Variants in TAF1B observed in about 807,000 individuals in gnomAD.
TAF1B encodes TATA-box binding protein associated factor, RNA polymerase I subunit B.
Under a neutral mutation model 83.9 loss-of-function variants are expected in TAF1B, and 61 were observed. The ratio of observed to expected loss-of-function variants is 0.73; its 90% CI spans 0.59 to 0.90. TAF1B has a LOEUF of 0.90. Ranked by LOEUF, TAF1B falls within the 40% of genes least tolerant of loss-of-function variation. The pLI, the probability that TAF1B is intolerant of heterozygous loss-of-function variation, is 0.00. For synonymous variants in TAF1B, 221 were observed against 224.6 expected (o/e 0.98, Z 0.14); for missense variants, 625 against 677.0 (o/e 0.92, Z 0.85).
intron 8 of TAF1B, among the ~76,000 whole-genome samples, chr2:9,883,652 G>A (rs1664577848): frequency 1.3e-5 from 2 of 152,188 alleles, no homozygotes; most frequent in Non-Finnish European, 2.9e-5. Context: ...TAATGTAGGA[G>A]AACTGCTTGC....
intron 1 of TAF1B, 113 bp from the exon 2 acceptor site, chr2:9,845,107 G>T: frequency 1.5e-6 from 1 of 648,182 alleles, no homozygotes; most frequent in Non-Finnish European, 2.6e-6. Context: ...TATTGTCTAT[G>T]ATTTTTTATT....
Position 9,910,908 on chromosome 2 carries a change from C to T in TAF1B, c.1128C>T (p.Phe376=), listed in dbSNP as rs369161786. Residue 376 remains phenylalanine (F), a synonymous_variant, in exon 10 of 15, where the codon TTC becomes TTT. Coordinates refer to ENST00000263663, the MANE Select transcript of TAF1B (RefSeq NM_005680.3). ...TGCTCTTTCTATTGGATGACAGTTT[C>T]GAGTGGTAAGTGTACGTCAATTTTA... ...LKLLFLLDDS[F]EWSLSNLAEK... is the part of the protein sequence containing the mutation. The T allele has an allele frequency of 3.7e-6, 6 of 1,608,644 alleles. No individual in the cohort carries two copies. Among genetic ancestry groups the T allele is most frequent in the African/African-American group, 2.7e-5 (2 of 74,784 alleles).
chr2:9,926,565 G>A (rs34577787), intron 14 of TAF1B, among the ~76,000 whole-genome samples: 77,550 of 151,964 alleles, frequency 0.51, 22,877 homozygotes, highest in Non-Finnish European at 0.68. Context: ...ATGGCCAGGT[G>A]CGGTGGCTCA....
intron 8 of TAF1B, among the ~76,000 whole-genome samples, chr2:9,902,946 A>G (rs145524563): frequency 0.011 from 1,613 of 152,288 alleles, 84 homozygotes; most frequent in Admixed American, 0.077. Flanking sequence ...CAAGCCTTCT[A>G]TCTCCTTTCT....
At chr2:9,846,835 A>T (rs1446577139) in intron 2 of TAF1B, among the ~76,000 whole-genome samples, 1 of 152,124 alleles carries the variant, frequency 6.6e-6, no homozygotes, top group African/African-American at 2.4e-5. Flanking sequence ...TCATGGAGAT[A>T]TATTTTGTGT....
chr2:9,917,480 C>T (rs1372402928), intron 12 of TAF1B, among the ~76,000 whole-genome samples: 4 of 80,824 alleles, frequency 4.9e-5, no homozygotes, highest in Non-Finnish European at 1.5e-4. Flanking sequence ...TCTTGAGTAT[C>T]TACTAGCCAG....
chr2:9,880,996 C>A (rs927204102), intron 7 of TAF1B, among the ~76,000 whole-genome samples: 3 of 152,192 alleles, frequency 2.0e-5, no homozygotes, highest in Non-Finnish European at 2.9e-5. Context: ...GTAAATATTT[C>A]TCAACTTTCA....
intron 14 of TAF1B, among the ~76,000 whole-genome samples, chr2:9,924,708 A>G (rs1056166527): frequency 7.9e-5 from 12 of 152,242 alleles, no homozygotes; most frequent in African/African-American, 2.7e-4. Flanking sequence ...ATGAAAAGTG[A>G]TGCTTATGAG....
At chr2:9,888,790 GTTTTTTTTTT>G (rs56125595) in intron 8 of TAF1B, among the ~76,000 whole-genome samples, 5 of 81,662 alleles carry the variant, frequency 6.1e-5, no homozygotes, top group African/African-American at 3.9e-4. Flanking sequence ...CTTCTGCTTG[GTTTTTTTTTT>G]TTTTTTTTTT....
At chr2:9,892,096 C>T (rs1244250940) in intron 8 of TAF1B, among the ~76,000 whole-genome samples, 2 of 152,158 alleles carry the variant, frequency 1.3e-5, no homozygotes, top group Non-Finnish European at 2.9e-5. Flanking sequence ...GGTAAGTGCC[C>T]TATAGAGGTG....
intron 5 of TAF1B, among the ~76,000 whole-genome samples, chr2:9,858,218 G>A (rs996641989): frequency 1.3e-5 from 2 of 152,200 alleles, no homozygotes; most frequent in African/African-American, 4.8e-5. Flanking sequence ...CCAAAACAAA[G>A]GGGCCAATAC....
At chr2:9,919,546 T>A (rs1665802242) in intron 13 of TAF1B, 52 bp from the exon 14 acceptor site, 3 of 1,501,716 alleles carry the variant, frequency 2.0e-6, no homozygotes, top group Non-Finnish European at 2.8e-6. Flanking sequence ...CAGGCTTTAT[T>A]TGTGATTTAA....
At chr2:9,861,365 G>A (rs1572222514) in intron 5 of TAF1B, among the ~76,000 whole-genome samples, 1 of 152,230 alleles carries the variant, frequency 6.6e-6, no homozygotes. Flanking sequence ...ACAGCAGTCT[G>A]AGATCAAACT....
rs766430030 is a variant in TAF1B at position 9,933,912 on chromosome 2, G to A, written c.1695G>A (p.Glu565=). Residue 565 remains glutamate (E), a synonymous_variant, in exon 15 of 15, where the codon GAG becomes GAA. Transcript: ENST00000263663. ...SLLHEEVSLV[E]KKLFEKKYSV... is the part of the protein sequence containing the mutation. ...TCCATGAAGAAGTGAGCTTAGTTGA[G>A]AAGAAACTTTTTGAGAAAAAATACA... The A allele has an allele frequency of 8.1e-6, 13 of 1,613,474 alleles. No homozygotes were observed. The highest frequency in any genetic ancestry group is 6.7e-5 in the African/African-American group (5 of 74,864).
intron 8 of TAF1B, among the ~76,000 whole-genome samples, chr2:9,887,508 C>T (rs1281806718): frequency 4.0e-5 from 6 of 151,784 alleles, no homozygotes; most frequent in African/African-American, 9.7e-5. Context: ...TTTTTCTCCT[C>T]GTGCTGTTTC....
At chr2:9,933,724 G>C in intron 14 of TAF1B, 59 bp from the exon 15 acceptor site, 2 of 1,389,652 alleles carry the variant, frequency 1.4e-6, no homozygotes, top group South Asian at 2.5e-5. Context: ...TCAGGGGTTA[G>C]TGTGTGCATT....
chr2:9,848,858 T>C (rs147243678), intron 2 of TAF1B, among the ~76,000 whole-genome samples: 4,115 of 152,298 alleles, frequency 0.027, 94 homozygotes, highest in Non-Finnish European at 0.044. Context: ...ATTTTAGTCA[T>C]TCTAAAGTTC....
At chr2:9,849,277 C>A in intron 2 of TAF1B, 96 bp from the exon 3 acceptor site, 3 of 859,180 alleles carry the variant, frequency 3.5e-6, no homozygotes, top group East Asian at 5.6e-5. Flanking sequence ...CTGGCACTCA[C>A]AATTTGGTTT....
chr2:9,893,381 A>G (rs1558253964), intron 8 of TAF1B, among the ~76,000 whole-genome samples: 6 of 152,012 alleles, frequency 3.9e-5, no homozygotes, highest in Admixed American at 1.3e-4. Context: ...AAGCCAAACA[A>G]AACCAGAAAC....
Sources: gnomAD v4.1 joint callset for allele counts (sites outside exome capture counted in the v4.1 genomes callset) on GRCh38, gnomAD v4.1.1 for gene constraint, MANE v1.5 for transcripts, NCBI Gene and HGNC (gene_info 2026-07-23, HGNC 2026-07-21) for gene names.